SEMA4B: variants seen among roughly 807,000 people sequenced by gnomAD.
The protein encoded by SEMA4B is semaphorin 4B.
A neutral mutation model predicts 88.1 loss-of-function variants in SEMA4B; 55 were observed. The observed-to-expected ratio is 0.62, with a 90% CI of 0.50 to 0.78. The LOEUF is 0.78. Among genes scored for constraint, SEMA4B ranks in the 30% least tolerant of loss-of-function variants. The probability of loss-of-function intolerance (pLI) is 0.00; values close to 1 mark genes in which losing one functional copy is unlikely to be tolerated. For missense variants in SEMA4B, 1,062 were observed against 1,111.9 expected (o/e 0.96, Z 0.64); for synonymous variants, 525 against 473.6 (o/e 1.11, Z -1.41).
chr15:90,206,347 T>A (rs971255653), intron 1 of SEMA4B, among the ~76,000 whole-genome samples: 2 of 152,194 alleles, frequency 1.3e-5, no homozygotes, highest in African/African-American at 4.8e-5. Context: ...TTGGGAAGTC[T>A]GCTCCCTTGG....
Position 90,201,497 on chromosome 15 carries a change from CCGCGGGGCGGAG to C in SEMA4B, c.-80_-69del. ...GCCCCCGGGGCGACTCGGGGGCGGA[CCGCGGGGCGGAG>C]CTGCCGCCCGTGAGTCCGGCCGAGC... On this transcript the variant is annotated 5_prime_UTR_variant, in exon 1 of 14. Coordinates refer to ENST00000411539, the MANE Select transcript of SEMA4B (RefSeq NM_198925.4). The C allele has an allele frequency of 1.5e-6, 2 of 1,314,424 alleles. No homozygotes were observed. Among genetic ancestry groups the C allele is most frequent in the Non-Finnish European group, 1.9e-6 (2 of 1,035,104 alleles). The allele number at this position is 1,314,424 out of a possible 1,614,324, so 81.4% of individuals were successfully genotyped here.
At chr15:90,202,211 C>T (rs1021076462) in intron 1 of SEMA4B, among the ~76,000 whole-genome samples, 1 of 152,250 alleles carries the variant, frequency 6.6e-6, no homozygotes, top group African/African-American at 2.4e-5. Context: ...CCCTCTCCGC[C>T]CCTCCATCCC....
chr15:90,193,954 C>T (rs903302935), intron 1 of SEMA4B, among the ~76,000 whole-genome samples: 4 of 151,538 alleles, frequency 2.6e-5, no homozygotes, highest in African/African-American at 7.3e-5. Flanking sequence ...CGGGTTCAAG[C>T]GATTCTCCTG....
At chr15:90,187,920 G>T (rs900625056) in intron 1 of SEMA4B, among the ~76,000 whole-genome samples, 1 of 151,206 alleles carries the variant, frequency 6.6e-6, no homozygotes, top group African/African-American at 2.4e-5. Flanking sequence ...CAAGAGAATC[G>T]CTTGAACCCA....
Position 90,201,607 on chromosome 15 carries a change from G to T in SEMA4B, c.29G>T (p.Ser10Ile), listed in dbSNP as rs781013451. MLRTAMGLR[S>I]WLAAPWGALP... ...CTGCGCACCGCGATGGGCCTGAGGAGCTGGCTCGCCGCCCCATGGGGCGCG... is the reference window on the plus strand; with the variant it reads ...CTGCGCACCGCGATGGGCCTGAGGATCTGGCTCGCCGCCCCATGGGGCGCG... Residue 10 changes from serine (S) to isoleucine (I), a missense_variant, in exon 1 of 14, where the codon AGC becomes ATC. Coordinates refer to ENST00000411539, the MANE Select transcript of SEMA4B (RefSeq NM_198925.4). 6 of 1,518,182 alleles carry T rather than the reference G, an allele frequency of 4.0e-6. No homozygotes were observed. The highest frequency in any genetic ancestry group is 5.3e-6 in the Non-Finnish European group (6 of 1,140,770). The allele number at this position is 1,518,182 out of a possible 1,614,324, so 94.0% of individuals were successfully genotyped here. A position where few individuals can be genotyped will look rare whatever the true frequency, so the allele number is the denominator to read the frequency against.
intron 1 of SEMA4B, chr15:90,215,007 G>T: frequency 7.9e-7 from 1 of 1,260,888 alleles, no homozygotes; most frequent in African/African-American, 1.5e-5. Context: ...TTGATTGGGC[G>T]TGTTGCACTT....
chr15:90,185,468 CTTCT>C (rs1960136721), intron 1 of SEMA4B, among the ~76,000 whole-genome samples: 1 of 152,244 alleles, frequency 6.6e-6, no homozygotes, highest in Non-Finnish European at 1.5e-5. Context: ...TTTGTCATGG[CTTCT>C]TTCTTCTCAC....
chr15:90,225,144 G>C lies in SEMA4B; in HGVS notation c.1371G>C (p.Leu457=). The change falls in exon 10 of 14, where the codon CTG becomes CTC. Residue 457 remains leucine, a synonymous_variant. Transcript: ENST00000411539. ...TGGCTGTACACCGCGTCCCTGGCCTGCACCACACCTACGATGTCCTCTTCC... is the reference window on the plus strand; with the variant it reads ...TGGCTGTACACCGCGTCCCTGGCCTCCACCACACCTACGATGTCCTCTTCC... The part of the protein sequence containing the change: ...QRVAVHRVPG[L]HHTYDVLFLG... 1 of 1,612,208 alleles carries C rather than the reference G, an allele frequency of 6.2e-7. No individual in the cohort carries two copies. The highest frequency in any genetic ancestry group is 1.1e-5 in the South Asian group (1 of 90,968).
At chr15:90,207,463 C>A (rs552031952) in intron 1 of SEMA4B, among the ~76,000 whole-genome samples, 1 of 152,200 alleles carries the variant, frequency 6.6e-6, no homozygotes. Flanking sequence ...GCGGCCATTG[C>A]GGTGCACTCC....
intron 1 of SEMA4B, chr15:90,185,164 C>A: frequency 2.6e-6 from 2 of 767,762 alleles, no homozygotes; most frequent in Non-Finnish European, 3.2e-6. Context: ...GCAGCCGCTG[C>A]CCCCACCCTT....
intron 1 of SEMA4B, chr15:90,193,693 T>A (rs1260547543): frequency 1.3e-5 from 2 of 152,100 alleles, no homozygotes; most frequent in Non-Finnish European, 2.9e-5. Flanking sequence ...CTGCTTGATG[T>A]GGAGATTCAG....
chr15:90,206,153 T>C (rs930213419), intron 1 of SEMA4B, among the ~76,000 whole-genome samples: 8 of 152,186 alleles, frequency 5.3e-5, no homozygotes, highest in African/African-American at 1.9e-4. Context: ...TCGGGTCATG[T>C]CATCAATCAC....
At chr15:90,185,126 AG>A in intron 1 of SEMA4B, 1 of 949,302 alleles carries the variant, frequency 1.1e-6, no homozygotes, top group African/African-American at 1.8e-5. Context: ...GCTGCCCGGG[AG>A]GTGGCGGACC....
Position 90,228,986 on chromosome 15 carries a change from A to G in SEMA4B, c.*343A>G, listed in dbSNP as rs1962359110. ...AGAGATAGCATGGCATGCAGCACAC[A>G]CGGCTGCTCCAGTTCATGGCCTCCC... On this transcript the variant is annotated 3_prime_UTR_variant, in exon 14 of 14. Coordinates refer to ENST00000411539, the MANE Select transcript of SEMA4B (RefSeq NM_198925.4). 1 of 398,640 alleles carries G rather than the reference A, an allele frequency of 2.5e-6. No individual in the cohort carries two copies. The highest frequency in any genetic ancestry group is 4.7e-6 in the Non-Finnish European group (1 of 211,648). 24.7% of individuals were successfully genotyped at this position (398,640 alleles called of 1,614,324 possible).
chr15:90,204,977 G>T (rs1376526753), intron 1 of SEMA4B, among the ~76,000 whole-genome samples: 1 of 152,132 alleles, frequency 6.6e-6, no homozygotes, highest in African/African-American at 2.4e-5. Context: ...ATTTCACCAT[G>T]TTGTCCAGGC....
At chr15:90,226,029 G>A (rs1167212254) in intron 12 of SEMA4B, among the ~76,000 whole-genome samples, 1 of 152,164 alleles carries the variant, frequency 6.6e-6, no homozygotes, top group Non-Finnish European at 1.5e-5. Context: ...CCTGTAAAAC[G>A]AGGACATGAT....
Position 90,221,005 on chromosome 15 carries a change from A to G in SEMA4B, c.507A>G (p.Ala169=), listed in dbSNP as rs1218104061. The G allele has an allele frequency of 6.2e-7, 1 of 1,609,548 alleles. No homozygotes were observed. The highest frequency in any genetic ancestry group is 2.2e-5 in the East Asian group (1 of 44,704). The stretch of plus-strand genomic sequence containing the variant: ...AGAACATGGAGAACTTCACCCTGGC[A>G]AGGGACGAGAAGGGGAATGTCCTCC... ...TYINMENFTL[A]RDEKGNVLLE... The change falls in exon 5 of 14, where the codon GCA becomes GCG. Residue 169 remains alanine (A), a synonymous_variant. Coordinates refer to ENST00000411539, the MANE Select transcript of SEMA4B (RefSeq NM_198925.4).
chr15:90,225,829 T>TGAG lies in SEMA4B; in HGVS notation c.1688+3_1688+5dup. ...CTACCAGCCTCAGCTGGCCACCAGGTGAGCACTCCCAAAGGCCCCTTCCCA... is the reference window on the plus strand; with the variant it reads ...CTACCAGCCTCAGCTGGCCACCAGGTGAGGAGCACTCCCAAAGGCCCCTTCCCA... On this transcript the variant is annotated splice_region_variant and intron_variant, in intron 12 of 13. Coordinates refer to ENST00000411539, the MANE Select transcript of SEMA4B (RefSeq NM_198925.4). 1 of 1,519,636 alleles carries TGAG rather than the reference T, an allele frequency of 6.6e-7. No individual in the cohort carries two copies. The highest frequency in any genetic ancestry group is 2.4e-5 in the East Asian group (1 of 42,148). The allele number at this position is 1,519,636 out of a possible 1,614,324, so 94.1% of individuals were successfully genotyped here. A position where few individuals can be genotyped will look rare whatever the true frequency, so the allele number is the denominator to read the frequency against.
chr15:90,185,897 C>A (rs1208896262), intron 1 of SEMA4B, among the ~76,000 whole-genome samples: 2 of 147,384 alleles, frequency 1.4e-5, no homozygotes, highest in African/African-American at 5.0e-5. Context: ...AGGATTTGAA[C>A]TCAGGCCATG....
Sources: allele counts gnomAD v4.1 joint callset (sites outside exome capture counted in the v4.1 genomes callset), GRCh38; gene constraint gnomAD v4.1.1; transcripts MANE v1.5; gene names NCBI Gene and HGNC (gene_info 2026-07-23, HGNC 2026-07-21).